RIMS2: variants seen among roughly 807,000 people sequenced by gnomAD.
RIMS2 encodes regulating synaptic membrane exocytosis 2, also known as regulating synaptic membrane exocytosis protein 2.
RIMS2 carries 59 observed loss-of-function variants against 174.4 expected under a neutral mutation model. The observed-to-expected ratio is 0.34, with a 90% CI of 0.27 to 0.42. RIMS2 has a LOEUF of 0.42. Among genes scored for constraint, RIMS2 ranks in the 10% least tolerant of loss-of-function variants. RIMS2 has a pLI of 1.00. For synonymous variants in RIMS2, 606 were observed against 572.5 expected (o/e 1.06, Z -0.84); for missense variants, 1,620 against 1,666.3 (o/e 0.97, Z 0.48).
chr8:103,841,490 A>G (rs2098939514), intron 3 of RIMS2, among the ~76,000 whole-genome samples: 1 of 152,164 alleles, frequency 6.6e-6, no homozygotes, highest in African/African-American at 2.4e-5. Context: ...GTGAATCATC[A>G]TAAGAATTTC....
intron 13 of RIMS2, among the ~76,000 whole-genome samples, 166 bp downstream of exon 15, chr8:103,936,888 G>C (rs1226760425): frequency 6.6e-6 from 1 of 152,102 alleles, no homozygotes; most frequent in African/African-American, 2.4e-5. Flanking sequence ...GAGGTCAGAA[G>C]ATTGAGACCA....
At chr8:104,108,101 A>C (rs912809639) in intron 19 of RIMS2, among the ~76,000 whole-genome samples, 4 of 152,130 alleles carry the variant, frequency 2.6e-5, no homozygotes, top group Non-Finnish European at 5.9e-5. Flanking sequence ...TTACTGATAT[A>C]TGATGAATAG....
At chr8:104,223,709 C>A in intron 19 of RIMS2, 2 of 1,591,876 alleles carry the variant, frequency 1.3e-6, no homozygotes, top group Non-Finnish European at 1.7e-6. Flanking sequence ...GCAGCGCTCC[C>A]AGAGCCGGAG....
chr8:104,251,523 T>A (rs2252152), intron 23 of RIMS2, 79 bp from the exon 30 acceptor site: 458,277 of 791,052 alleles, frequency 0.58, 134,405 homozygotes, highest in East Asian at 0.65. Flanking sequence ...GAATGTACTT[T>A]AGTATTTTAA....
At chr8:103,909,903 T>G (rs1276752540) in intron 4 of RIMS2, among the ~76,000 whole-genome samples, 1 of 151,948 alleles carries the variant, frequency 6.6e-6, no homozygotes, top group African/African-American at 2.4e-5. Context: ...TTGTAGGGTC[T>G]GTCTAGAGAT....
intron 4 of RIMS2, among the ~76,000 whole-genome samples, chr8:103,898,110 C>A (rs1459305954): frequency 6.6e-6 from 1 of 151,606 alleles, no homozygotes; most frequent in African/African-American, 2.4e-5. Flanking sequence ...ACCACTAGGT[C>A]TCTAAAAATT....
At chr8:103,975,624 T>C in intron 16 of RIMS2, 118 bp downstream of exon 18, 1 of 667,578 alleles carries the variant, frequency 1.5e-6, no homozygotes, top group Non-Finnish European at 2.5e-6. Flanking sequence ...GAGAATTGGC[T>C]CATATGATTA....
rs1239856136 is a variant in RIMS2, at chr8:103,763,440, A to G, written c.388-2787A>G. On this transcript the variant is annotated intron_variant, in intron 2 of 23. Transcript: ENST00000504942. ...GACAAGGTAAGACCCTGTTTCAAGG[A>G]AAAAAAAAAAGAAGAAGGAAGAAAG... Among the ~76,000 whole-genome samples the G allele has an allele frequency of 2.4e-4, 20 of 82,020 alleles. No individual in the cohort carries two copies. In the East Asian group the frequency reaches 4.5e-3, roughly 18 times the overall value. The allele number at this position is 82,020 out of a possible 152,430, so 53.8% of individuals were successfully genotyped here. A position where few individuals can be genotyped will look rare whatever the true frequency, so the allele number is the denominator to read the frequency against.
intron 19 of RIMS2, among the ~76,000 whole-genome samples, chr8:104,184,013 T>G (rs2098955010): frequency 6.6e-6 from 1 of 151,670 alleles, no homozygotes. Context: ...ACTGAAACAT[T>G]GTATTTTTTC....
rs79464943 is a variant in RIMS2, at chr8:103,682,802, C to G, written c.177-14284C>G. The stretch of plus-strand genomic sequence containing the variant: ...ACCTCAAATTACTGTCTTATCAAGA[C>G]ATTGTCTTATCTGGCTTGTAGCTTC... On this transcript the variant is annotated intron_variant, in intron 1 of 23. Transcript: ENST00000504942. 7.7e-3 allele frequency among the ~76,000 whole-genome samples: 1,179 copies of G among 152,242 alleles called. 18 individuals carry two copies. The highest frequency in any genetic ancestry group is 0.048 in the South Asian group (233 of 4,820).
intron 14 of RIMS2, among the ~76,000 whole-genome samples, chr8:103,955,591 G>A (rs569090421): frequency 1.3e-5 from 2 of 152,186 alleles, no homozygotes; most frequent in African/African-American, 4.8e-5. Context: ...GGCACTGATG[G>A]AACATATCTC....
chr8:103,517,732 G>T (rs1385639850), intron 1 of RIMS2, among the ~76,000 whole-genome samples: 1 of 152,108 alleles, frequency 6.6e-6, no homozygotes, highest in Non-Finnish European at 1.5e-5. Context: ...GAAGGCTGCA[G>T]TGCAAGTGGT....
intron 1 of RIMS2, among the ~76,000 whole-genome samples, chr8:103,684,049 A>T (rs1156914620): frequency 6.6e-6 from 1 of 152,166 alleles, no homozygotes; most frequent in Non-Finnish European, 1.5e-5. Context: ...AGCACTTCGA[A>T]ATCTAACTTT....
intron 19 of RIMS2, among the ~76,000 whole-genome samples, chr8:104,221,060 C>T (rs1415129702): frequency 2.0e-5 from 3 of 152,054 alleles, no homozygotes; most frequent in Non-Finnish European, 4.4e-5. Context: ...GTAAACTTGC[C>T]CATTTCTCCG....
chr8:103,734,014 C>CTTTTTTTTTTTTTTTTT (rs59348302), intron 2 of RIMS2, among the ~76,000 whole-genome samples: 7 of 85,742 alleles, frequency 8.2e-5, no homozygotes, highest in African/African-American at 3.8e-4. Flanking sequence ...CTAAAAGCTT[C>CTTTTTTTTTTTTTTTTT]TTTTTTTTTT....
chr8:104,159,099 C>T (rs2098744227), intron 19 of RIMS2, among the ~76,000 whole-genome samples: 1 of 152,140 alleles, frequency 6.6e-6, no homozygotes, highest in Non-Finnish European at 1.5e-5. Flanking sequence ...GATCCAGTTT[C>T]AGCTTTCTAC....
At position 103,931,259 on chromosome 8, in the gene RIMS2, T is replaced by G; in HGVS notation, c.2245-4T>G. ...ATTGATAAATGAATATTTTTGCTTT[T>G]CAGATAAAACTATGGTTTGACAAGG... On this transcript the variant is annotated splice_polypyrimidine_tract_variant and splice_region_variant and intron_variant, in intron 11 of 23. Transcript: ENST00000504942. 6.3e-7 allele frequency: 1 copy of G among 1,586,438 alleles called. No homozygotes were observed. Among genetic ancestry groups the G allele is most frequent in the Non-Finnish European group, 8.6e-7 (1 of 1,167,312 alleles).
Position 103,989,325 on chromosome 8 carries a change from T to G in RIMS2, c.2948T>G (p.Leu983Arg), listed in dbSNP as rs2094546821. The G allele has an allele frequency of 2.5e-6, 4 of 1,611,446 alleles. No individual in the cohort carries two copies. In the African/African-American group the frequency reaches 5.3e-5, roughly 22 times the overall value. Residue 983 changes from leucine to arginine, a missense_variant, in exon 17 of 24, where the codon CTT (leucine) becomes CGT (arginine). Coordinates refer to ENST00000504942, the Ensembl canonical transcript of RIMS2. ...TTTAGTCGGAATGTGGAACAGGGGC[T>G]TCGAGGGACCCGCACTATGACCGGA... is the stretch of plus-strand genomic sequence containing the variant.
chr8:103,672,386 A>G (rs952171444), intron 1 of RIMS2, among the ~76,000 whole-genome samples: 11 of 152,126 alleles, frequency 7.2e-5, no homozygotes, highest in African/African-American at 2.4e-4. Context: ...TGATTAGGTA[A>G]TTTATAAACA....
Sources: allele counts gnomAD v4.1 joint callset (sites outside exome capture counted in the v4.1 genomes callset), GRCh38; gene constraint gnomAD v4.1.1; transcripts MANE v1.5; gene names NCBI Gene and HGNC (gene_info 2026-07-23, HGNC 2026-07-21).